The following MYO16 variants were observed in gnomAD, a reference collection of about 807,000 sequenced individuals.
MYO16 encodes myosin XVI, also known as unconventional myosin-XVI.
Under a neutral mutation model 205.3 loss-of-function variants are expected in MYO16, and 94 were observed. The observed-to-expected ratio is 0.46, with a 90% CI of 0.39 to 0.54. The LOEUF is 0.54. Ranked by LOEUF, MYO16 falls within the 20% of genes least tolerant of loss-of-function variation. MYO16 has a pLI of 0.00. For missense variants in MYO16, 2,315 were observed against 2,387.5 expected, an observed-to-expected ratio of 0.97 and a Z score of 0.63; for synonymous variants, 988 against 954.0, an observed-to-expected ratio of 1.04 and a Z score of -0.66.
At chr13:109,065,852 G>A (rs77523065) in intron 27 of MYO16, among the ~76,000 whole-genome samples, 1 of 152,156 alleles carries the variant, frequency 6.6e-6, no homozygotes, top group Non-Finnish European at 1.5e-5. Context: ...TTTATGGTTG[G>A]CAGAGAAGAG....
intron 1 of MYO16, among the ~76,000 whole-genome samples, chr13:108,620,586 T>C (rs368395328): frequency 2.8e-4 from 43 of 152,246 alleles, no homozygotes; most frequent in African/African-American, 8.7e-4. Context: ...AAATATTTCA[T>C]TGGGTCAGAT....
chr13:108,596,872 T>C (rs1389256611), intron 1 of MYO16, among the ~76,000 whole-genome samples: 2 of 152,194 alleles, frequency 1.3e-5, no homozygotes, highest in Non-Finnish European at 2.9e-5. Flanking sequence ...AAATAAAACC[T>C]AGTGTTAGCT....
the MYO16 span, among the ~76,000 whole-genome samples, chr13:108,552,319 T>C: frequency 0.055 from 8,308 of 152,262 alleles, 716 homozygotes; most frequent in African/African-American, 0.18. Context: ...AGCTGTCAAC[T>C]TGGAGGTGGC....
chr13:108,630,897 T>A (rs779591404), intron 1 of MYO16, among the ~76,000 whole-genome samples: 1 of 152,192 alleles, frequency 6.6e-6, no homozygotes, highest in Non-Finnish European at 1.5e-5. Flanking sequence ...CTATGATTAA[T>A]GGAAATAAAA....
the MYO16 span, among the ~76,000 whole-genome samples, chr13:108,574,465 T>C: frequency 6.6e-6 from 1 of 152,170 alleles, no homozygotes. Flanking sequence ...ATAAACTTTA[T>C]CTCTCATAGA....
intron 34 of MYO16, among the ~76,000 whole-genome samples, chr13:109,192,683 C>A (rs1361854813): frequency 6.6e-6 from 1 of 152,186 alleles, no homozygotes; most frequent in Admixed American, 6.5e-5. Flanking sequence ...TATGACCTTT[C>A]TCAACCCAAA....
chr13:108,622,503 C>A (rs373998373), intron 1 of MYO16, among the ~76,000 whole-genome samples: 1 of 152,146 alleles, frequency 6.6e-6, no homozygotes, highest in Non-Finnish European at 1.5e-5. Context: ...CAGTCTTCTA[C>A]GGTTTCATTA....
At chr13:108,896,969 C>T (rs9521090) in intron 14 of MYO16, among the ~76,000 whole-genome samples, 37,758 of 151,670 alleles carry the variant, frequency 0.25, 4,910 homozygotes, top group African/African-American at 0.3. Flanking sequence ...GCACTCCAGC[C>T]TGGATGACAG....
At chr13:108,866,014 A>G (rs573190116) in intron 11 of MYO16, among the ~76,000 whole-genome samples, 163 bp from the exon 12 acceptor site, 1 of 152,238 alleles carries the variant, frequency 6.6e-6, no homozygotes, top group Admixed American at 6.5e-5. Flanking sequence ...TTTAAATTCC[A>G]AACTTTAAAA....
At chr13:108,586,510 T>C in the MYO16 span, among the ~76,000 whole-genome samples, 1 of 152,200 alleles carries the variant, frequency 6.6e-6, no homozygotes, top group Non-Finnish European at 1.5e-5. Flanking sequence ...GAGATTTTTA[T>C]TGCTGCTAAC....
chr13:109,012,945 C>G (rs900284908), intron 22 of MYO16, among the ~76,000 whole-genome samples: 16 of 151,226 alleles, frequency 1.1e-4, no homozygotes, highest in African/African-American at 3.9e-4. Flanking sequence ...AGGATTTTGC[C>G]ACCTTGTTTT....
At chr13:108,923,797 C>G (rs1337751674) in intron 16 of MYO16, among the ~76,000 whole-genome samples, 2 of 151,956 alleles carry the variant, frequency 1.3e-5, no homozygotes, top group African/African-American at 2.4e-5. Context: ...TTCTGCCACA[C>G]CGTGACTTCA....
Position 109,176,905 on chromosome 13 carries a change from G to A in MYO16, c.5324-2637G>A, listed in dbSNP as rs376678604. ...TGTGGAGCCCTGACACAGGTTCTGG[G>A]ACCCATTCTTTCTTTAGTCAACAGT... On this transcript the variant is annotated intron_variant, in intron 33 of 34. Transcript: ENST00000457511. Among the ~76,000 whole-genome samples the A allele has an allele frequency of 6.6e-5, 10 of 152,162 alleles. No individual in the cohort carries two copies. In the East Asian group the frequency reaches 1.5e-3, roughly 24 times the overall value.
At chr13:109,120,787 C>T (rs536373455) in intron 29 of MYO16, among the ~76,000 whole-genome samples, 19 of 152,202 alleles carry the variant, frequency 1.2e-4, no homozygotes, top group Admixed American at 4.6e-4. Context: ...ATAAAAAGTC[C>T]ACCTGTAATC....
At chr13:108,761,753 C>T (rs950653829) in intron 4 of MYO16, among the ~76,000 whole-genome samples, 2 of 152,150 alleles carry the variant, frequency 1.3e-5, no homozygotes, top group African/African-American at 2.4e-5. Flanking sequence ...TCTGTTTGTC[C>T]CCACCTCCAC....
chr13:108,855,246 C>T, intron 10 of MYO16, 197 bp from the exon 11 acceptor site: 1 of 412,204 alleles, frequency 2.4e-6, no homozygotes, highest in South Asian at 5.5e-5. Context: ...CAAAAATTCT[C>T]ATCTGAATAC....
chr13:109,013,081 AT>A (rs1283951003), intron 22 of MYO16, among the ~76,000 whole-genome samples: 2 of 143,546 alleles, frequency 1.4e-5, no homozygotes, highest in Middle Eastern at 3.4e-3. Context: ...CATCATTTAC[AT>A]TAGGTATTTC....
the MYO16 span, among the ~76,000 whole-genome samples, chr13:108,533,336 C>G: frequency 6.6e-6 from 1 of 152,162 alleles, no homozygotes; most frequent in Non-Finnish European, 1.5e-5. Context: ...TAGTTTAAGG[C>G]TAATGAGATG....
chr13:109,022,494 CAA>C (rs1886092248), intron 23 of MYO16, among the ~76,000 whole-genome samples: 4 of 78,888 alleles, frequency 5.1e-5, no homozygotes, highest in African/African-American at 1.9e-4. Context: ...GTTATATATA[CAA>C]TATAAACATA....
Sources: gnomAD v4.1 joint callset for allele counts (sites outside exome capture counted in the v4.1 genomes callset) on GRCh38, gnomAD v4.1.1 for gene constraint, MANE v1.5 for transcripts, NCBI Gene and HGNC (gene_info 2026-07-23, HGNC 2026-07-21) for gene names.